The following PDK1 variants were observed in gnomAD, a reference collection of about 807,000 sequenced individuals.
The protein encoded by PDK1 is [Pyruvate dehydrogenase (acetyl-transferring)] kinase isozyme 1, mitochondrial.
In PDK1, 39 loss-of-function variants were observed where a neutral mutation model predicts 54.2. The observed-to-expected ratio is 0.72, with a 90% CI of 0.56 to 0.94. The LOEUF (loss-of-function observed/expected upper bound fraction) is 0.94. PDK1 is among the 40% of genes least tolerant of loss of function. The pLI is 0.00. For synonymous variants in PDK1, 221 were observed against 207.1 expected (o/e 1.07, Z -0.58); for missense variants, 552 against 566.0 (o/e 0.98, Z 0.25).
chr2:172,566,100 C>T (rs1688924445), intron 5 of PDK1, among the ~76,000 whole-genome samples: 1 of 152,194 alleles, frequency 6.6e-6, no homozygotes, highest in South Asian at 2.1e-4. Flanking sequence ...TCCTAACCAA[C>T]TCTTAAGTTT....
rs111666806 is a variant in PDK1, at chr2:172,558,617, C to T, written c.197-91C>T. 5,144 of 1,178,638 alleles carry T rather than the reference C, an allele frequency of 4.4e-3. 168 individuals carry two copies. In the African/African-American group the frequency reaches 0.068, roughly 16 times the overall value. 73.0% of individuals were successfully genotyped at this position (1,178,638 alleles called of 1,614,324 possible). ...GGTGATTCTATCCCTCTGGCCTTGC[C>T]GGATAACTTCCTCTCTATTTCTCTC... is the stretch of plus-strand genomic sequence containing the variant. On this transcript the variant is annotated intron_variant, in intron 1 of 10. Transcript: ENST00000282077.
rs190035503 is a variant in PDK1, at chr2:172,596,870, T to G, written c.*901T>G. ...TTTTAAAATGCTTCCAAGGTAAGTC[T>G]GATGCCTACCCTAGGTTGGGAACCA... On this transcript the variant is annotated 3_prime_UTR_variant, in exon 11 of 11. Coordinates refer to ENST00000282077, the MANE Select transcript of PDK1 (RefSeq NM_002610.5). 94 of 152,364 alleles carry G rather than the reference T, an allele frequency of 6.2e-4. No homozygotes were observed. The highest frequency in any genetic ancestry group is 2.2e-3 in the African/African-American group (90 of 41,594). The allele number at this position is 152,364 out of a possible 1,614,324, so 9.4% of individuals were successfully genotyped here.
the PDK1 span, among the ~76,000 whole-genome samples, chr2:172,621,049 G>A: frequency 6.6e-6 from 1 of 152,212 alleles, no homozygotes; most frequent in Non-Finnish European, 1.5e-5. Context: ...GGAAGCCAAG[G>A]CAGACGGATC....
chr2:172,696,243 C>G, the PDK1 span, among the ~76,000 whole-genome samples: 12 of 151,460 alleles, frequency 7.9e-5, no homozygotes, highest in African/African-American at 9.7e-5. Flanking sequence ...CAGATAAGAG[C>G]ACAGCTTGGC....
the PDK1 span, among the ~76,000 whole-genome samples, chr2:172,659,564 G>A: frequency 1.3e-5 from 2 of 152,122 alleles, no homozygotes; most frequent in African/African-American, 2.4e-5. Context: ...ATCTCTAAGA[G>A]GGTAGAGGTA....
intron 8 of PDK1, among the ~76,000 whole-genome samples, chr2:172,574,198 A>G (rs1689452072): frequency 6.6e-6 from 1 of 152,186 alleles, no homozygotes; most frequent in Non-Finnish European, 1.5e-5. Flanking sequence ...TTCTTTCCCC[A>G]TTCAATTGCC....
intron 10 of PDK1, among the ~76,000 whole-genome samples, chr2:172,594,538 C>T (rs1690787709): frequency 6.6e-6 from 1 of 152,150 alleles, no homozygotes; most frequent in Non-Finnish European, 1.5e-5. Context: ...CATTCAAAGC[C>T]ATCCTGGGCC....
At chr2:172,642,163 C>T in the PDK1 span, among the ~76,000 whole-genome samples, 2 of 152,018 alleles carry the variant, frequency 1.3e-5, no homozygotes, top group African/African-American at 4.8e-5. Context: ...CGGAATGGAG[C>T]GTCTATGGTG....
At chr2:172,569,917 C>T (rs1458653332) in intron 7 of PDK1, among the ~76,000 whole-genome samples, 2 of 152,142 alleles carry the variant, frequency 1.3e-5, no homozygotes, top group African/African-American at 4.8e-5. Flanking sequence ...CTTGAAATTC[C>T]AGTGGCATAA....
intron 2 of PDK1, among the ~76,000 whole-genome samples, chr2:172,559,233 C>T (rs1216703779): frequency 6.6e-6 from 1 of 152,158 alleles, no homozygotes; most frequent in African/African-American, 2.4e-5. Flanking sequence ...AGACGTGAGC[C>T]ACCGTGCCCG....
intron 9 of PDK1, among the ~76,000 whole-genome samples, chr2:172,592,485 T>A (rs1057364150): frequency 9.9e-5 from 15 of 151,914 alleles, no homozygotes; most frequent in African/African-American, 3.6e-4. Flanking sequence ...GTCTCTCTCT[T>A]CCTCTGTCTC....
At chr2:172,691,001 A>T in the PDK1 span, among the ~76,000 whole-genome samples, 5 of 150,286 alleles carry the variant, frequency 3.3e-5, 1 homozygote, top group Admixed American at 2.0e-4. Context: ...ATAATAATAA[A>T]AATAAATAAA....
chr2:172,676,130 C>T, the PDK1 span, among the ~76,000 whole-genome samples: 12 of 152,132 alleles, frequency 7.9e-5, no homozygotes, highest in African/African-American at 2.9e-4. Flanking sequence ...TACTGATTGA[C>T]AGTGCACCTA....
chr2:172,581,030 C>T (rs541863544), intron 8 of PDK1, among the ~76,000 whole-genome samples: 13 of 151,468 alleles, frequency 8.6e-5, no homozygotes, highest in African/African-American at 2.7e-4. Flanking sequence ...TTGCACATAT[C>T]GATGAATATA....
chr2:172,665,338 C>T, the PDK1 span, among the ~76,000 whole-genome samples: 5 of 152,118 alleles, frequency 3.3e-5, no homozygotes, highest in Admixed American at 2.0e-4. Context: ...CACAAGCTTC[C>T]CTATTTTGCC....
chr2:172,557,059 G>T (rs1688374631), intron 1 of PDK1, among the ~76,000 whole-genome samples: 1 of 148,520 alleles, frequency 6.7e-6, no homozygotes, highest in African/African-American at 2.5e-5. Context: ...AAACCTTAAT[G>T]AATTCATAAA....
At chr2:172,621,964 CAT>C in the PDK1 span, among the ~76,000 whole-genome samples, 10 of 144,840 alleles carry the variant, frequency 6.9e-5, no homozygotes, top group East Asian at 2.0e-4. Context: ...TTTTATATCT[CAT>C]ATGATGTATG....
At chr2:172,704,477 A>G in the PDK1 span, among the ~76,000 whole-genome samples, 1 of 152,162 alleles carries the variant, frequency 6.6e-6, no homozygotes, top group Non-Finnish European at 1.5e-5. Context: ...AGGGAATGCC[A>G]AGGTTTACAA....
At chr2:172,583,868 C>T (rs959326724) in intron 8 of PDK1, among the ~76,000 whole-genome samples, 5 of 151,874 alleles carry the variant, frequency 3.3e-5, no homozygotes, top group Non-Finnish European at 7.4e-5. Context: ...AAATTAAAAG[C>T]AGATTTGTTT....
Sources: allele counts gnomAD v4.1 joint callset (sites outside exome capture counted in the v4.1 genomes callset), GRCh38; gene constraint gnomAD v4.1.1; transcripts MANE v1.5; gene names NCBI Gene and HGNC (gene_info 2026-07-23, HGNC 2026-07-21).